The following SOCS7 variants were observed in gnomAD, a reference collection of about 807,000 sequenced individuals.
SOCS7 encodes NAP-4.
SOCS7 carries 18 observed loss-of-function variants against 58.9 expected under a neutral mutation model. The ratio of observed to expected loss-of-function variants is 0.31; its 90% CI spans 0.21 to 0.45. The LOEUF (loss-of-function observed/expected upper bound fraction) is 0.45, where lower values mean the gene tolerates loss of function less well. Ranked by LOEUF, SOCS7 falls within the 20% of genes least tolerant of loss-of-function variation. The probability of loss-of-function intolerance (pLI) is 1.00; values close to 1 mark genes in which losing one functional copy is unlikely to be tolerated. For synonymous variants in SOCS7, 388 were observed against 364.3 expected, an observed-to-expected ratio of 1.06 and a Z score of -0.74; for missense variants, 667 against 837.3, an observed-to-expected ratio of 0.80 and a Z score of 2.51.
intron 4 of SOCS7, chr17:38,365,973 GGT>G (rs1426670171): frequency 1.8e-6 from 2 of 1,099,794 alleles, no homozygotes; most frequent in African/African-American, 3.3e-5. Flanking sequence ...TTCACTTCGA[GGT>G]GGGAGAAGTT....
In SOCS7 at chr17:38,361,741, C is replaced by G. The variant is rs1555567613; in HGVS notation, c.1011C>G (p.Ala337=). 3.2e-5 allele frequency: 52 copies of G among 1,613,616 alleles called. No homozygotes were observed. Among genetic ancestry groups the G allele is most frequent in the Non-Finnish European group, 4.3e-5 (51 of 1,179,738 alleles). The change falls in exon 2 of 10, where the codon GCC becomes GCG. Residue 337 remains alanine (A), a synonymous_variant. Coordinates refer to ENST00000612932, the MANE Select transcript of SOCS7 (RefSeq NM_014598.4). ...CCAAGTTGACAAGAACTCAAAGTGCCTTTTCTCCGGTCTCCTTCAGCCCCC... is the reference window on the plus strand; with the variant it reads ...CCAAGTTGACAAGAACTCAAAGTGCGTTTTCTCCGGTCTCCTTCAGCCCCC... ...RKPKLTRTQS[A]FSPVSFSPLF...
chr17:38,370,871 G>A (rs957222560), intron 6 of SOCS7, among the ~76,000 whole-genome samples: 1 of 151,348 alleles, frequency 6.6e-6, no homozygotes, highest in Non-Finnish European at 1.5e-5. Context: ...AGCTTGTCTC[G>A]AACTCCTGAC....
At position 38,366,396 on chromosome 17, in the gene SOCS7, C is replaced by A; in HGVS notation, c.1362C>A (p.Ala454=). ...LYRPDSSSFA[A]SLRELEKCGW... ...GGCCTGACTCGAGCAGCTTTGCAGC[C>A]AGCCTTCGAGAGTTGGAGAAGGTAG... is the stretch of plus-strand genomic sequence containing the variant. Residue 454 remains alanine, a synonymous_variant, in exon 5 of 10, where the codon GCC becomes GCA. Coordinates refer to ENST00000612932, the MANE Select transcript of SOCS7 (RefSeq NM_014598.4). 1 of 1,614,248 alleles carries A rather than the reference C, an allele frequency of 6.2e-7. No individual in the cohort carries two copies. The highest frequency in any genetic ancestry group is 1.1e-5 in the South Asian group (1 of 91,092).
At position 38,400,635 on chromosome 17, in the gene SOCS7, A is replaced by G. The variant is rs906920222; in HGVS notation, c.*1153A>G. 2.6e-5 allele frequency: 4 copies of G among 152,128 alleles called. No individual in the cohort carries two copies. Among genetic ancestry groups the G allele is most frequent in the Admixed American group, 1.3e-4 (2 of 15,284 alleles). The allele number at this position is 152,128 out of a possible 1,614,324, so 9.4% of individuals were successfully genotyped here. ...TTTTTAGGTTTATCACTGCCATCCC[A>G]CTTCTGGGATGGGAGGTAGCAAGGG... On this transcript the variant is annotated 3_prime_UTR_variant, in exon 10 of 10. Transcript: ENST00000612932.
rs2038331036 is a variant in SOCS7, at chr17:38,402,313, T to A, written c.*2831T>A. On this transcript the variant is annotated 3_prime_UTR_variant, in exon 10 of 10. Coordinates refer to ENST00000612932, the MANE Select transcript of SOCS7 (RefSeq NM_014598.4). ...GGGGGAGGCATGGGGCTGGGCCAGC[T>A]CTCTGGGATACAGCCTGGTCAGAGA... 6.6e-6 allele frequency: 1 copy of A among 152,492 alleles called. No homozygotes were observed. The highest frequency in any genetic ancestry group is 2.1e-4 in the South Asian group (1 of 4,836). The allele number at this position is 152,492 out of a possible 1,614,324, so 9.4% of individuals were successfully genotyped here.
chr17:38,376,326 G>A (rs960183818), intron 6 of SOCS7, among the ~76,000 whole-genome samples: 6 of 151,982 alleles, frequency 3.9e-5, no homozygotes, highest in African/African-American at 7.3e-5. Context: ...CACCTTACAC[G>A]CACATCTCTG....
intron 7 of SOCS7, among the ~76,000 whole-genome samples, chr17:38,387,451 AT>A (rs1342186508): frequency 5.5e-5 from 8 of 144,772 alleles, no homozygotes; most frequent in Non-Finnish European, 8.9e-5. Context: ...TCTCAAAAAA[AT>A]ATATACATAT....
intron 5 of SOCS7, among the ~76,000 whole-genome samples, chr17:38,367,274 A>T (rs1033567107): frequency 1.3e-5 from 2 of 152,110 alleles, no homozygotes; most frequent in Non-Finnish European, 2.9e-5. Flanking sequence ...CATGTTGGCC[A>T]GGCTGGTCTT....
At chr17:38,382,437 C>CAAAAAAAA (rs1190332565) in intron 7 of SOCS7, among the ~76,000 whole-genome samples, 1 of 68,584 alleles carries the variant, frequency 1.5e-5, no homozygotes, top group Non-Finnish European at 2.9e-5. Context: ...GACCCTATCT[C>CAAAAAAAA]AAAAAAAAAA....
chr17:38,374,042 G>A (rs1253502111), intron 6 of SOCS7, among the ~76,000 whole-genome samples: 2 of 151,478 alleles, frequency 1.3e-5, no homozygotes, highest in Non-Finnish European at 2.9e-5. Context: ...CCAACATGGC[G>A]AAACCCTGTC....
intron 1 of SOCS7, among the ~76,000 whole-genome samples, chr17:38,354,590 A>G (rs1168154574): frequency 6.6e-6 from 1 of 152,180 alleles, no homozygotes; most frequent in Non-Finnish European, 1.5e-5. Context: ...TTTGCCTCCC[A>G]GTGAATTCAT....
intron 1 of SOCS7, among the ~76,000 whole-genome samples, chr17:38,353,804 T>G (rs563898620): frequency 1.9e-4 from 28 of 151,328 alleles, no homozygotes; most frequent in East Asian, 1.2e-3. Context: ...TAGGCGGGAG[T>G]GGTCCCAGCT....
intron 6 of SOCS7, among the ~76,000 whole-genome samples, chr17:38,368,777 C>T (rs972055637): frequency 2.6e-5 from 4 of 152,204 alleles, no homozygotes; most frequent in Admixed American, 6.5e-5. Context: ...GCTTGGATTA[C>T]AGGTGTGTCT....
In SOCS7 at chr17:38,402,003, C is replaced by T. The variant is rs2038325646; in HGVS notation, c.*2521C>T. 6.6e-6 allele frequency: 1 copy of T among 152,236 alleles called. No homozygotes were observed. The highest frequency in any genetic ancestry group is 1.5e-5 in the Non-Finnish European group (1 of 68,078). 9.4% of individuals were successfully genotyped at this position (152,236 alleles called of 1,614,324 possible). A position where few individuals can be genotyped will look rare whatever the true frequency, so the allele number is the denominator to read the frequency against. On this transcript the variant is annotated 3_prime_UTR_variant, in exon 10 of 10. Transcript: ENST00000612932. ...TGTGAGGGAGGCAGAGCCTCTGCAC[C>T]CCCTGTGTTACTGGGGTTTCTTCTG... is the stretch of plus-strand genomic sequence containing the variant.
At chr17:38,372,383 C>CAGT (rs2037878923) in intron 6 of SOCS7, among the ~76,000 whole-genome samples, 1 of 152,140 alleles carries the variant, frequency 6.6e-6, no homozygotes, top group Admixed American at 6.6e-5. Context: ...TATAAAGGTG[C>CAGT]AGTATTAAAT....
intron 2 of SOCS7, among the ~76,000 whole-genome samples, chr17:38,362,422 G>C (rs1293180648): frequency 6.6e-6 from 1 of 152,206 alleles, no homozygotes; most frequent in Non-Finnish European, 1.5e-5. Flanking sequence ...CTTCTGTTAT[G>C]TCAGTCACAG....
At chr17:38,391,806 A>G (rs1171662202) in intron 7 of SOCS7, among the ~76,000 whole-genome samples, 3 of 152,208 alleles carry the variant, frequency 2.0e-5, no homozygotes, top group Admixed American at 1.3e-4. Context: ...TGTTAAGAAA[A>G]TGAGATCTGG....
chr17:38,365,287 T>C, intron 3 of SOCS7, 21 bp from the exon 4 acceptor site: 1 of 1,573,856 alleles, frequency 6.4e-7, no homozygotes. Flanking sequence ...CTGAACCTCT[T>C]GCTTTTGTTC....
At chr17:38,366,478 G>A (rs905265927) in intron 5 of SOCS7, 61 bp downstream of exon 5, 8 of 1,576,478 alleles carry the variant, frequency 5.1e-6, no homozygotes, top group African/African-American at 1.3e-5. Context: ...TTCTGTATTC[G>A]GACACACCTT....
Sources: allele counts gnomAD v4.1 joint callset (sites outside exome capture counted in the v4.1 genomes callset), GRCh38; gene constraint gnomAD v4.1.1; transcripts MANE v1.5; gene names NCBI Gene and HGNC (gene_info 2026-07-23, HGNC 2026-07-21).